PPP3CA: variants seen among roughly 807,000 people sequenced by gnomAD.
PPP3CA encodes the protein protein phosphatase 3 catalytic subunit alpha, also known as CAM-PRP catalytic subunit.
Under a neutral mutation model 66.5 loss-of-function variants are expected in PPP3CA, and 14 were observed. That is an observed-to-expected ratio of 0.21 (90% CI 0.14 to 0.33). PPP3CA has a LOEUF of 0.33. Ranked by LOEUF, PPP3CA falls within the 10% of genes least tolerant of loss-of-function variation. The pLI is 1.00. For synonymous variants in PPP3CA, 232 were observed against 226.2 expected, an observed-to-expected ratio of 1.03 and a Z score of -0.23; for missense variants, 317 against 639.5, an observed-to-expected ratio of 0.50 and a Z score of 5.44.
At chr4:101,169,988 G>A (rs1009043972) in intron 2 of PPP3CA, among the ~76,000 whole-genome samples, 3 of 151,930 alleles carry the variant, frequency 2.0e-5, no homozygotes, top group Non-Finnish European at 4.4e-5. Flanking sequence ...CAAGTTTTTT[G>A]GCTCTGCTAA....
At chr4:101,297,507 A>C (rs1728233721) in intron 1 of PPP3CA, among the ~76,000 whole-genome samples, 1 of 152,214 alleles carries the variant, frequency 6.6e-6, no homozygotes, top group South Asian at 2.1e-4. Flanking sequence ...AAGGTCTCTT[A>C]GGAAACATAT....
intron 1 of PPP3CA, among the ~76,000 whole-genome samples, chr4:101,303,946 T>G (rs1169916540): frequency 6.6e-6 from 1 of 152,206 alleles, no homozygotes; most frequent in East Asian, 1.9e-4. Flanking sequence ...TTGTCTGATG[T>G]TCATGTCCTT....
intron 1 of PPP3CA, chr4:101,330,353 T>C (rs373430646): frequency 7.9e-6 from 4 of 503,780 alleles, no homozygotes; most frequent in Non-Finnish European, 1.6e-5. Context: ...ATAGTTTCTT[T>C]AGAATCTAAA....
At chr4:101,203,459 C>G (rs1725033232) in intron 1 of PPP3CA, among the ~76,000 whole-genome samples, 1 of 152,134 alleles carries the variant, frequency 6.6e-6, no homozygotes, top group African/African-American at 2.4e-5. Context: ...CACACCACAG[C>G]ACTCCAGCCT....
chr4:101,129,751 ATCAAAGACCAAAGG>A (rs1461969054), intron 2 of PPP3CA, among the ~76,000 whole-genome samples: 1 of 152,232 alleles, frequency 6.6e-6, no homozygotes, highest in Admixed American at 6.5e-5. Context: ...GGTCAACAGC[ATCAAAGACCAAAGG>A]TAGATAAATT....
intron 1 of PPP3CA, among the ~76,000 whole-genome samples, chr4:101,205,569 GA>G (rs112502297): frequency 2.0e-5 from 3 of 149,896 alleles, no homozygotes; most frequent in Admixed American, 6.6e-5. Flanking sequence ...AAGTTGATAG[GA>G]AAAAAAAAAT....
chr4:101,115,063 C>T (rs1721798038), intron 2 of PPP3CA, among the ~76,000 whole-genome samples: 1 of 151,992 alleles, frequency 6.6e-6, no homozygotes, highest in South Asian at 2.1e-4. Context: ...AGTCATTAAA[C>T]AGAAGTTCAG....
Position 101,110,730 on chromosome 4 carries a change from T to C in PPP3CA, c.260-1652A>G, listed in dbSNP as rs150932545. 1.2e-4 allele frequency among the ~76,000 whole-genome samples: 19 copies of C among 152,312 alleles called. 1 individual carries two copies. The East Asian group carries it at 3.5e-3, about 28-fold the overall frequency. ...TCCATATTCTGAGGCATTGAGAAGT[T>C]GGTTTGTGAGAGACATATGTGCTTT... On this transcript the variant is annotated intron_variant, in intron 2 of 13. Coordinates refer to ENST00000394854, the MANE Select transcript of PPP3CA (RefSeq NM_000944.5).
chr4:101,168,548 C>CCT (rs1343887309), intron 2 of PPP3CA, among the ~76,000 whole-genome samples: 2 of 151,996 alleles, frequency 1.3e-5, no homozygotes, highest in Non-Finnish European at 2.9e-5. Context: ...GTGGGACACT[C>CCT]TAAGAGGGAG....
At chr4:101,312,103 T>C (rs1468138677) in intron 1 of PPP3CA, among the ~76,000 whole-genome samples, 1 of 152,246 alleles carries the variant, frequency 6.6e-6, no homozygotes, top group Non-Finnish European at 1.5e-5. Flanking sequence ...TTATAAGCAG[T>C]TGAAAAAGAC....
intron 1 of PPP3CA, among the ~76,000 whole-genome samples, chr4:101,296,884 C>A (rs1560704361): frequency 1.3e-5 from 2 of 152,100 alleles, no homozygotes. Flanking sequence ...TTTAGTGGCC[C>A]CTTCTATAAC....
chr4:101,062,661 A>G (rs530069211), intron 9 of PPP3CA, among the ~76,000 whole-genome samples: 4 of 152,112 alleles, frequency 2.6e-5, no homozygotes, highest in African/African-American at 9.6e-5. Flanking sequence ...GAAAGTTAAC[A>G]AATAACTTTC....
At chr4:101,342,623 G>T (rs1450942552) in intron 1 of PPP3CA, among the ~76,000 whole-genome samples, 2 of 151,950 alleles carry the variant, frequency 1.3e-5, no homozygotes, top group Admixed American at 1.3e-4. Flanking sequence ...ACAAACACTG[G>T]TGTTTTTTCA....
chr4:101,151,605 AG>A (rs1405513904), intron 2 of PPP3CA, among the ~76,000 whole-genome samples: 1 of 150,184 alleles, frequency 6.7e-6, no homozygotes, highest in African/African-American at 2.4e-5. Context: ...TTTTCAACAA[AG>A]GAAAAGATAA....
intron 1 of PPP3CA, among the ~76,000 whole-genome samples, chr4:101,258,921 G>A (rs938464611): frequency 1.3e-5 from 2 of 152,108 alleles, no homozygotes; most frequent in Non-Finnish European, 2.9e-5. Context: ...ACTAAAGGGA[G>A]CATCTAACAT....
intron 2 of PPP3CA, among the ~76,000 whole-genome samples, chr4:101,114,678 C>T (rs1721786163): frequency 6.6e-6 from 1 of 152,072 alleles, no homozygotes; most frequent in African/African-American, 2.4e-5. Flanking sequence ...CAAACAATTA[C>T]TTTTGCATAA....
chr4:101,088,400 A>T (rs1729765428), intron 6 of PPP3CA, among the ~76,000 whole-genome samples: 1 of 151,960 alleles, frequency 6.6e-6, no homozygotes, highest in African/African-American at 2.4e-5. Flanking sequence ...CCTGGCTAAC[A>T]CAGTGAAACC....
chr4:101,117,958 A>C (rs749544939), intron 2 of PPP3CA, among the ~76,000 whole-genome samples: 1 of 151,998 alleles, frequency 6.6e-6, no homozygotes, highest in Non-Finnish European at 1.5e-5. Context: ...ATAAGTTATT[A>C]TTAATAAATT....
intron 8 of PPP3CA, among the ~76,000 whole-genome samples, chr4:101,075,792 T>C (rs530360102): frequency 2.6e-5 from 4 of 152,262 alleles, no homozygotes; most frequent in African/African-American, 9.6e-5. Flanking sequence ...ATTTTCACTC[T>C]CATATCACAC....
Sources: allele counts gnomAD v4.1 joint callset (sites outside exome capture counted in the v4.1 genomes callset), GRCh38; gene constraint gnomAD v4.1.1; transcripts MANE v1.5; gene names NCBI Gene and HGNC (gene_info 2026-07-23, HGNC 2026-07-21).